Variants in XRCC4 observed in about 807,000 individuals in gnomAD.
XRCC4 encodes the protein X-ray repair cross complementing 4.
Under a neutral mutation model 39.1 loss-of-function variants are expected in XRCC4, and 28 were observed. The observed-to-expected ratio is 0.72, with a 90% CI of 0.53 to 0.98. XRCC4 has a LOEUF of 0.98. Ranked by LOEUF, XRCC4 falls within the 50% of genes least tolerant of loss-of-function variation. The pLI is 0.00. For missense variants in XRCC4, 350 were observed against 376.4 expected (o/e 0.93, Z 0.58); for synonymous variants, 123 against 126.4 (o/e 0.97, Z 0.18).
At chr5:83,249,135 A>C (rs1753217774) in intron 6 of XRCC4, among the ~76,000 whole-genome samples, 1 of 152,060 alleles carries the variant, frequency 6.6e-6, no homozygotes, top group Admixed American at 6.6e-5. Context: ...TCCCCACCTA[A>C]TTTTATGGAT....
chr5:83,143,833 A>G (rs945528880), intron 3 of XRCC4, among the ~76,000 whole-genome samples: 1 of 150,834 alleles, frequency 6.6e-6, no homozygotes, highest in Non-Finnish European at 1.5e-5. Flanking sequence ...TTTTTCCTTG[A>G]CTGCTTTTAA....
intron 3 of XRCC4, among the ~76,000 whole-genome samples, chr5:83,150,513 A>G (rs1748653517): frequency 3.3e-5 from 5 of 152,168 alleles, no homozygotes; most frequent in Non-Finnish European, 7.4e-5. Context: ...TCAATTAAGA[A>G]AAAAAGCTTG....
rs28360190 is a variant in XRCC4 at position 83,227,167 on chromosome 5, C to T, written c.745+22246C>T. On this transcript the variant is annotated intron_variant, in intron 6 of 7. Coordinates refer to ENST00000396027, the MANE Select transcript of XRCC4 (RefSeq NM_003401.5). ...CCCATTTCCCTTTTATATTGTAAATCAGTTAGGGATGTATTTTTATCTACT... is the reference window on the plus strand; with the variant it reads ...CCCATTTCCCTTTTATATTGTAAATTAGTTAGGGATGTATTTTTATCTACT... 2.4e-3 allele frequency among the ~76,000 whole-genome samples: 368 copies of T among 152,080 alleles called. 1 individual carries two copies. The highest frequency in any genetic ancestry group is 8.4e-3 in the African/African-American group (349 of 41,514).
intron 3 of XRCC4, among the ~76,000 whole-genome samples, chr5:83,111,550 A>G (rs1561333471): frequency 8.6e-6 from 1 of 116,554 alleles, no homozygotes; most frequent in African/African-American, 3.7e-5. Context: ...TGAAATATTG[A>G]TTTTAAGAAA....
At chr5:83,249,050 T>A (rs1213530379) in intron 6 of XRCC4, among the ~76,000 whole-genome samples, 2 of 152,178 alleles carry the variant, frequency 1.3e-5, no homozygotes, top group Non-Finnish European at 2.9e-5. Flanking sequence ...TATAATCATT[T>A]TTAAAAAGCA....
At chr5:83,217,493 T>C (rs1235487451) in intron 6 of XRCC4, among the ~76,000 whole-genome samples, 1 of 151,702 alleles carries the variant, frequency 6.6e-6, no homozygotes, top group Non-Finnish European at 1.5e-5. Flanking sequence ...GGTAATGAAA[T>C]ACAAGTATAC....
chr5:83,134,073 C>T (rs77400708), intron 3 of XRCC4, among the ~76,000 whole-genome samples: 5,634 of 152,272 alleles, frequency 0.037, 312 homozygotes, highest in African/African-American at 0.13. Flanking sequence ...TGGGCTTGAT[C>T]GGAGGCTGAA....
chr5:83,135,784 T>C (rs1747869290), intron 3 of XRCC4, among the ~76,000 whole-genome samples: 1 of 152,226 alleles, frequency 6.6e-6, no homozygotes, highest in African/African-American at 2.4e-5. Flanking sequence ...TTTCAAGTTT[T>C]GTTTACATTC....
intron 7 of XRCC4, among the ~76,000 whole-genome samples, chr5:83,315,378 G>T (rs1028484236): frequency 1.4e-4 from 22 of 152,116 alleles, no homozygotes; most frequent in African/African-American, 5.3e-4. Flanking sequence ...AAAAACTACA[G>T]CCAGTTATCC....
chr5:83,290,897 G>A (rs1388321516), intron 7 of XRCC4, among the ~76,000 whole-genome samples: 2 of 151,818 alleles, frequency 1.3e-5, no homozygotes, highest in South Asian at 4.1e-4. Context: ...CAGGGGAAAT[G>A]TAGTATACCC....
chr5:83,162,042 C>T (rs1409051301), intron 3 of XRCC4, among the ~76,000 whole-genome samples: 2 of 152,056 alleles, frequency 1.3e-5, no homozygotes, highest in African/African-American at 4.8e-5. Flanking sequence ...TGGCGGGTGC[C>T]TGTAGTCCCA....
At chr5:83,256,597 T>C (rs1753548791) in intron 6 of XRCC4, among the ~76,000 whole-genome samples, 1 of 151,856 alleles carries the variant, frequency 6.6e-6, no homozygotes, top group African/African-American at 2.4e-5. Context: ...AGTCATCTCT[T>C]AGCTTAACAG....
chr5:83,132,223 G>T (rs527456646), intron 3 of XRCC4, among the ~76,000 whole-genome samples: 1 of 152,150 alleles, frequency 6.6e-6, no homozygotes, highest in South Asian at 2.1e-4. Flanking sequence ...CTCTCTTCTG[G>T]CTTGTAGAGT....
intron 7 of XRCC4, among the ~76,000 whole-genome samples, chr5:83,344,592 T>A (rs1756866542): frequency 6.6e-6 from 1 of 152,074 alleles, no homozygotes; most frequent in Non-Finnish European, 1.5e-5. Flanking sequence ...AAGATTCATG[T>A]ATGTGTATAA....
At chr5:83,101,275 T>C (rs567038597) in intron 1 of XRCC4, among the ~76,000 whole-genome samples, 34 of 152,190 alleles carry the variant, frequency 2.2e-4, no homozygotes, top group Non-Finnish European at 4.1e-4. Flanking sequence ...GCTTCTACGG[T>C]ATAAGCATCT....
intron 7 of XRCC4, among the ~76,000 whole-genome samples, chr5:83,339,123 A>G (rs1436451494): frequency 6.6e-6 from 1 of 152,178 alleles, no homozygotes; most frequent in Non-Finnish European, 1.5e-5. Context: ...GCCTTTCTGA[A>G]CATTTTGGTT....
chr5:83,270,013 TCAC>T (rs200142696), intron 7 of XRCC4, among the ~76,000 whole-genome samples: 57,046 of 152,096 alleles, frequency 0.38, 13,995 homozygotes, highest in East Asian at 0.81. Context: ...CTTGTTTTCC[TCAC>T]CTCACAAATG....
At chr5:83,257,757 A>G (rs906230576) in intron 6 of XRCC4, among the ~76,000 whole-genome samples, 28 of 152,136 alleles carry the variant, frequency 1.8e-4, no homozygotes, top group African/African-American at 6.5e-4. Flanking sequence ...TTGCAGCTCT[A>G]TTTACAATAG....
At chr5:83,339,404 C>T (rs1489380309) in intron 7 of XRCC4, among the ~76,000 whole-genome samples, 1 of 150,800 alleles carries the variant, frequency 6.6e-6, no homozygotes, top group Non-Finnish European at 1.5e-5. Context: ...TGTTGTCACT[C>T]ATAAGTGGGA....
Sources: allele counts gnomAD v4.1 joint callset (sites outside exome capture counted in the v4.1 genomes callset), GRCh38; gene constraint gnomAD v4.1.1; transcripts MANE v1.5; gene names NCBI Gene and HGNC (gene_info 2026-07-23, HGNC 2026-07-21).